The following OXR1 variants were observed in gnomAD, a reference collection of about 807,000 sequenced individuals.
OXR1 encodes oxidation resistance protein 1.
A neutral mutation model predicts 104.6 loss-of-function variants in OXR1; 41 were observed. That is an observed-to-expected ratio of 0.39 (90% CI 0.31 to 0.51). The LOEUF is 0.51. Ranked by LOEUF, OXR1 falls within the 20% of genes least tolerant of loss-of-function variation. OXR1 has a pLI of 0.77. For missense variants in OXR1, 955 were observed against 1,031.9 expected, an observed-to-expected ratio of 0.93 and a Z score of 1.02; for synonymous variants, 348 against 348.4, an observed-to-expected ratio of 1.00 and a Z score of 0.01.
At chr8:106,737,936 A>C (rs1410688000) in intron 12 of OXR1, among the ~76,000 whole-genome samples, 1 of 152,176 alleles carries the variant, frequency 6.6e-6, no homozygotes, top group African/African-American at 2.4e-5. Flanking sequence ...AAAATCTGAA[A>C]GATATGGTAC....
intron 3 of OXR1, among the ~76,000 whole-genome samples, chr8:106,615,463 G>A (rs1821140281): frequency 6.6e-6 from 1 of 151,734 alleles, no homozygotes; most frequent in Admixed American, 6.6e-5. Flanking sequence ...TGGCCGGGAT[G>A]GTGGCAAGCA....
chr8:106,699,356 C>T (rs1386823611), intron 7 of OXR1, among the ~76,000 whole-genome samples: 1 of 152,154 alleles, frequency 6.6e-6, no homozygotes, highest in African/African-American at 2.4e-5. Flanking sequence ...AAAGCTTTCT[C>T]ACTGGACAGT....
chr8:106,359,725 CAG>C, intron 2 of OXR1, 89 bp downstream of exon 2: 1 of 974,886 alleles, frequency 1.0e-6, no homozygotes, highest in South Asian at 1.4e-5. Flanking sequence ...AGAACTTGGG[CAG>C]AGAGAAAACT....
intron 3 of OXR1, among the ~76,000 whole-genome samples, chr8:106,527,610 C>T (rs938635735): frequency 6.6e-6 from 1 of 152,178 alleles, no homozygotes. Flanking sequence ...TATTCATTTG[C>T]CAGGATTCAA....
intron 13 of OXR1, 90 bp from the exon 14 acceptor site, chr8:106,740,253 T>G: frequency 1.1e-6 from 1 of 884,430 alleles, no homozygotes; most frequent in Middle Eastern, 2.8e-4. Context: ...GCCTATATTA[T>G]ATAGGCACCA....
chr8:106,444,622 G>A (rs987312222), intron 2 of OXR1, among the ~76,000 whole-genome samples: 3 of 152,070 alleles, frequency 2.0e-5, no homozygotes, highest in Non-Finnish European at 2.9e-5. Flanking sequence ...TCATTCATAA[G>A]TGGGAGTTAA....
chr8:106,592,730 C>A (rs1464127902), intron 3 of OXR1, among the ~76,000 whole-genome samples: 1 of 152,102 alleles, frequency 6.6e-6, no homozygotes, highest in Non-Finnish European at 1.5e-5. Context: ...AGAAGACTAG[C>A]AGAGGCCAGG....
chr8:106,376,140 A>G (rs888124560), intron 2 of OXR1, among the ~76,000 whole-genome samples: 1 of 152,150 alleles, frequency 6.6e-6, no homozygotes, highest in African/African-American at 2.4e-5. Context: ...GTCACTGAGG[A>G]GTTTTGAGGA....
At chr8:106,739,037 T>G (rs1834662365) in intron 12 of OXR1, among the ~76,000 whole-genome samples, 1 of 150,994 alleles carries the variant, frequency 6.6e-6, no homozygotes, top group Non-Finnish European at 1.5e-5. Flanking sequence ...TTTTGACAAA[T>G]TTTGTGTTAG....
chr8:106,575,193 T>C lies in OXR1; in HGVS notation c.220+56054T>C, dbSNP rs541845758. Among the ~76,000 whole-genome samples the C allele has an allele frequency of 2.3e-4, 35 of 152,318 alleles. 1 individual carries two copies. The highest frequency in any genetic ancestry group is 8.2e-4 in the African/African-American group (34 of 41,588). ...TCTTTATTAGTATTAATAATGCTAC[T>C]ATCATCATCTTTATGCATAAATTTT... On this transcript the variant is annotated intron_variant, in intron 3 of 16. Coordinates refer to ENST00000517566, the MANE Select transcript of OXR1 (RefSeq NM_001198533.2).
intron 2 of OXR1, among the ~76,000 whole-genome samples, chr8:106,474,780 T>C (rs1821713281): frequency 6.6e-6 from 1 of 151,978 alleles, no homozygotes; most frequent in Non-Finnish European, 1.5e-5. Flanking sequence ...AAGATGATTT[T>C]ATTCAATTAC....
intron 3 of OXR1, among the ~76,000 whole-genome samples, chr8:106,584,215 T>C (rs1327437430): frequency 6.7e-6 from 1 of 150,058 alleles, no homozygotes; most frequent in Non-Finnish European, 1.5e-5. Context: ...AGAAAAGAGA[T>C]GAAAATAATA....
At chr8:106,690,560 A>G (rs890240867) in intron 6 of OXR1, among the ~76,000 whole-genome samples, 9 of 151,286 alleles carry the variant, frequency 5.9e-5, no homozygotes, top group Non-Finnish European at 1.3e-4. Context: ...AGAAATGGGT[A>G]AATTACTAGA....
At chr8:106,300,297 C>T (rs1179140364) in intron 1 of OXR1, among the ~76,000 whole-genome samples, 2 of 151,920 alleles carry the variant, frequency 1.3e-5, no homozygotes, top group East Asian at 1.9e-4. Flanking sequence ...CCCATGGTTG[C>T]TTTGTATGTA....
At chr8:106,605,427 A>C (rs1401156171) in intron 3 of OXR1, among the ~76,000 whole-genome samples, 1 of 152,050 alleles carries the variant, frequency 6.6e-6, no homozygotes, top group African/African-American at 2.4e-5. Context: ...AATTGAGCCA[A>C]CCACATTCTG....
Position 106,724,302 on chromosome 8 carries a change from A to T in OXR1, c.1956+10317A>T, listed in dbSNP as rs573318465. 2.6e-5 allele frequency among the ~76,000 whole-genome samples: 4 copies of T among 152,336 alleles called. No homozygotes were observed. In the South Asian group the frequency reaches 8.3e-4, roughly 32 times the overall value. ...GCTTTGTTTTATATCCCATCATGTT[A>T]TAATAATAACAATTGACATCTGCTT... On this transcript the variant is annotated intron_variant, in intron 11 of 16. Coordinates refer to ENST00000517566, the MANE Select transcript of OXR1 (RefSeq NM_001198533.2).
chr8:106,494,314 G>C (rs768952637), intron 2 of OXR1, among the ~76,000 whole-genome samples: 1 of 152,126 alleles, frequency 6.6e-6, no homozygotes, highest in African/African-American at 2.4e-5. Context: ...AGTTTTTGTA[G>C]CATTTGATGA....
At chr8:106,552,983 TTCC>T (rs1815972036) in intron 3 of OXR1, among the ~76,000 whole-genome samples, 2 of 152,150 alleles carry the variant, frequency 1.3e-5, no homozygotes, top group African/African-American at 4.8e-5. Flanking sequence ...TTCTCTTTTA[TTCC>T]CCTCACACTG....
chr8:106,698,053 G>T lies in OXR1; in HGVS notation c.676-4853G>T. The T allele has an allele frequency of 2.1e-6, 3 of 1,433,646 alleles. No homozygotes were observed. The South Asian group carries it at 3.5e-5, about 17-fold the overall frequency. 88.8% of individuals were successfully genotyped at this position (1,433,646 alleles called of 1,614,324 possible). A position where few individuals can be genotyped will look rare whatever the true frequency, so the allele number is the denominator to read the frequency against. On this transcript the variant is annotated intron_variant, in intron 7 of 16. Coordinates refer to ENST00000517566, the MANE Select transcript of OXR1 (RefSeq NM_001198533.2). ...GTGGCTGCGGGGAGCGTTCAAACGGGCTGGAGAGCGGCACACTCACTCAAG... is the reference window on the plus strand; with the variant it reads ...GTGGCTGCGGGGAGCGTTCAAACGGTCTGGAGAGCGGCACACTCACTCAAG...
Sources: gnomAD v4.1 joint callset for allele counts (sites outside exome capture counted in the v4.1 genomes callset) on GRCh38, gnomAD v4.1.1 for gene constraint, MANE v1.5 for transcripts, NCBI Gene and HGNC (gene_info 2026-07-23, HGNC 2026-07-21) for gene names.